RBFOX3: variants seen among roughly 807,000 people sequenced by gnomAD.
RBFOX3 encodes RNA binding protein fox-1 homolog 3.
RBFOX3 carries 17 observed loss-of-function variants against 48.7 expected under a neutral mutation model. The observed-to-expected ratio is 0.35, with a 90% CI of 0.24 to 0.52. The LOEUF (loss-of-function observed/expected upper bound fraction) is 0.52. RBFOX3 is among the 20% of genes least tolerant of loss of function. The pLI, the probability that RBFOX3 is intolerant of heterozygous loss-of-function variation, is 0.94. For missense variants in RBFOX3, 382 were observed against 497.5 expected (o/e 0.77, Z 2.21); for synonymous variants, 212 against 209.5 (o/e 1.01, Z -0.10).
At chr17:79,159,144 T>C (rs567370578) in intron 4 of RBFOX3, among the ~76,000 whole-genome samples, 8 of 151,290 alleles carry the variant, frequency 5.3e-5, no homozygotes, top group Admixed American at 1.3e-4. Context: ...TTAGTGTGAG[T>C]TGGGGAGCGG....
chr17:79,279,746 C>T (rs1428133935), intron 3 of RBFOX3, among the ~76,000 whole-genome samples: 2 of 152,200 alleles, frequency 1.3e-5, no homozygotes, highest in Non-Finnish European at 2.9e-5. Flanking sequence ...AAACTTCACT[C>T]CTTGGGAGCT....
chr17:79,127,256 G>C (rs1233367888), intron 4 of RBFOX3, among the ~76,000 whole-genome samples: 4 of 152,172 alleles, frequency 2.6e-5, no homozygotes, highest in Non-Finnish European at 5.9e-5. Flanking sequence ...GCAGAAAGGG[G>C]GGCTCCCCAG....
At chr17:79,250,669 T>C (rs2063799585) in intron 3 of RBFOX3, among the ~76,000 whole-genome samples, 1 of 152,178 alleles carries the variant, frequency 6.6e-6, no homozygotes, top group South Asian at 2.1e-4. Context: ...TAAAGCAGCG[T>C]TGAGGTGCCA....
chr17:79,170,976 C>T (rs1181193967), intron 4 of RBFOX3, among the ~76,000 whole-genome samples: 2 of 152,142 alleles, frequency 1.3e-5, no homozygotes. Flanking sequence ...GTCCAGACCC[C>T]AAACACAGAG....
intron 2 of RBFOX3, among the ~76,000 whole-genome samples, chr17:79,389,016 C>T (rs1228243692): frequency 6.6e-6 from 1 of 152,244 alleles, no homozygotes; most frequent in Non-Finnish European, 1.5e-5. Context: ...GGAGACGTGG[C>T]CCCACCAATG....
intron 1 of RBFOX3, among the ~76,000 whole-genome samples, chr17:79,526,557 T>A (rs965024332): frequency 2.0e-5 from 3 of 152,186 alleles, no homozygotes; most frequent in African/African-American, 7.2e-5. Context: ...ATAGGAAGTA[T>A]CCTGATCGGT....
intron 2 of RBFOX3, among the ~76,000 whole-genome samples, chr17:79,327,511 C>G (rs990160488): frequency 6.6e-6 from 1 of 152,232 alleles, no homozygotes; most frequent in East Asian, 1.9e-4. Context: ...CAGGTCCTAA[C>G]CGGGATGAAA....
In RBFOX3 at chr17:79,363,581, G is replaced by A. The variant is rs2057303891; in HGVS notation, c.-174-55757C>T. ...TTCCTGTTCCTGCCCAGCTTCCCTG[G>A]GGGGTCTCCGCGAGCAACATACCTC... On this transcript the variant is annotated intron_variant, in intron 2 of 14. Transcript: ENST00000693108. This position sits in a 1 kb window ranked among gnomAD's most constrained non-coding sequence, Gnocchi z 4.7. Among the ~76,000 whole-genome samples the A allele has an allele frequency of 6.7e-6, 1 of 150,130 alleles. No individual in the cohort carries two copies. Among genetic ancestry groups the A allele is most frequent in the African/African-American group, 2.5e-5 (1 of 39,616 alleles).
chr17:79,580,054 C>T (rs2093004098), intron 1 of RBFOX3, among the ~76,000 whole-genome samples: 2 of 151,972 alleles, frequency 1.3e-5, no homozygotes. Context: ...CTCAGCTGGT[C>T]CCTCCGAGGT....
intron 4 of RBFOX3, among the ~76,000 whole-genome samples, chr17:79,120,075 G>A (rs2035272580): frequency 1.3e-5 from 2 of 152,234 alleles, no homozygotes. Context: ...AGGGCCTGGG[G>A]TTGGGTGGTG....
At chr17:79,148,091 C>G (rs1054050773) in intron 4 of RBFOX3, among the ~76,000 whole-genome samples, 1 of 143,930 alleles carries the variant, frequency 6.9e-6, no homozygotes, top group Non-Finnish European at 1.5e-5. Flanking sequence ...CCCCAGGGTG[C>G]GTGCGGCCCT....
intron 4 of RBFOX3, among the ~76,000 whole-genome samples, chr17:79,221,224 A>C (rs963322625): frequency 2.0e-5 from 3 of 152,264 alleles, no homozygotes; most frequent in African/African-American, 7.2e-5. Context: ...ACCCAGGCCC[A>C]GGGCCCGGTC....
chr17:79,454,874 G>A (rs1555743775), intron 2 of RBFOX3, among the ~76,000 whole-genome samples: 1 of 152,196 alleles, frequency 6.6e-6, no homozygotes, highest in Non-Finnish European at 1.5e-5. Flanking sequence ...TAGCTCCTCA[G>A]TATTCAAGGC....
chr17:79,487,525 C>T (rs1299717534), intron 1 of RBFOX3, among the ~76,000 whole-genome samples: 1 of 152,222 alleles, frequency 6.6e-6, no homozygotes, highest in Non-Finnish European at 1.5e-5. Flanking sequence ...AGTGTTTGCT[C>T]ACTATCGTGC....
intron 1 of RBFOX3, among the ~76,000 whole-genome samples, chr17:79,496,196 G>C (rs1450808513): frequency 6.6e-6 from 1 of 152,012 alleles, no homozygotes; most frequent in East Asian, 1.9e-4. Context: ...TCAGAGTGGG[G>C]CATTTTCACT....
intron 4 of RBFOX3, among the ~76,000 whole-genome samples, chr17:79,149,318 G>A (rs1021991095): frequency 4.7e-4 from 71 of 152,178 alleles, no homozygotes; most frequent in Non-Finnish European, 1.3e-4. Flanking sequence ...CAGCCACGGG[G>A]AGCCCAGATG....
intron 2 of RBFOX3, among the ~76,000 whole-genome samples, chr17:79,449,722 G>C (rs2073100903): frequency 2.6e-5 from 4 of 151,564 alleles, no homozygotes; most frequent in Admixed American, 2.6e-4. Context: ...ATGCTGGATG[G>C]CAGGTGACCC....
rs1360344464 is a variant in RBFOX3 at position 79,481,537 on chromosome 17, C to CA, written c.-175+916dup. ...ACTCACAGGGACCCGTAGGAAGCTT[C>CA]AAGTGTGAGGCTGGCCGTGCACGTG... is the stretch of plus-strand genomic sequence containing the variant. On this transcript the variant is annotated intron_variant, in intron 2 of 14. Coordinates refer to ENST00000693108, the MANE Select transcript of RBFOX3 (RefSeq NM_001350451.2). This position sits in a 1 kb window ranked among gnomAD's most constrained non-coding sequence, Gnocchi z 5.4. Among the ~76,000 whole-genome samples the CA allele has an allele frequency of 6.6e-6, 1 of 152,096 alleles. No homozygotes were observed. The highest frequency in any genetic ancestry group is 2.4e-5 in the African/African-American group (1 of 41,396).
chr17:79,614,815 G>C (rs2093987758), upstream of RBFOX3, among the ~76,000 whole-genome samples: 1 of 151,818 alleles, frequency 6.6e-6, no homozygotes, highest in Non-Finnish European at 1.5e-5. Context: ...AAAGCAAAAA[G>C]GCAAAGAGGA....
Sources: allele counts gnomAD v4.1 joint callset (sites outside exome capture counted in the v4.1 genomes callset), GRCh38; gene constraint gnomAD v4.1.1; non-coding constraint Gnocchi (gnomAD v3.1); transcripts MANE v1.5; gene names NCBI Gene and HGNC (gene_info 2026-07-23, HGNC 2026-07-21).